The following CEP128 variants were observed in gnomAD, a reference collection of about 807,000 sequenced individuals.
The protein encoded by CEP128 is centrosomal protein 128kDa.
In CEP128, 132 loss-of-function variants were observed where a neutral mutation model predicts 156.7. That is an observed-to-expected ratio of 0.84 (90% CI 0.73 to 0.97). CEP128 has a LOEUF of 0.97. CEP128 is among the 50% of genes least tolerant of loss of function. The pLI, the probability that CEP128 is intolerant of heterozygous loss-of-function variation, is 0.00. For missense variants in CEP128, 1,252 were observed against 1,281.9 expected (o/e 0.98, Z 0.36); for synonymous variants, 469 against 448.9 (o/e 1.04, Z -0.57).
chr14:80,799,770 C>T (rs577966751), intron 13 of CEP128, among the ~76,000 whole-genome samples: 33 of 152,224 alleles, frequency 2.2e-4, no homozygotes, highest in African/African-American at 7.5e-4. Context: ...AAAAACTCTG[C>T]CCCTGGTAAA....
intron 14 of CEP128, among the ~76,000 whole-genome samples, chr14:80,787,795 C>T (rs574543669): frequency 2.6e-5 from 4 of 152,260 alleles, no homozygotes; most frequent in South Asian, 4.1e-4. Context: ...TGAAGTCATA[C>T]CATGTAAAGT....
At chr14:80,801,936 A>AAAAAAAG in intron 13 of CEP128, among the ~76,000 whole-genome samples, 1 of 150,152 alleles carries the variant, frequency 6.7e-6, no homozygotes, top group Admixed American at 6.6e-5. Flanking sequence ...AAAAAAAAAA[A>AAAAAAAG]AGCTCAACAT....
chr14:80,940,571 C>G (rs1284370343), intron 1 of CEP128, among the ~76,000 whole-genome samples: 1 of 151,504 alleles, frequency 6.6e-6, no homozygotes, highest in Non-Finnish European at 1.5e-5. Flanking sequence ...CCCAGCTACT[C>G]CGGAGGCTGA....
chr14:80,910,218 G>A (rs1380656885), intron 4 of CEP128, among the ~76,000 whole-genome samples: 2 of 152,206 alleles, frequency 1.3e-5, no homozygotes, highest in African/African-American at 2.4e-5. Flanking sequence ...ATATTAGACT[G>A]AAACAATGGA....
chr14:80,862,967 C>T lies in CEP128; in HGVS notation c.646-94G>A. The T allele has an allele frequency of 3.9e-6, 3 of 777,114 alleles. No individual in the cohort carries two copies. The South Asian group carries it at 5.6e-5, about 15-fold the overall frequency. The allele number at this position is 777,114 out of a possible 1,614,324, so 48.1% of individuals were successfully genotyped here. The stretch of plus-strand genomic sequence containing the variant: ...TAGTTTTATAGCAGATACACTACTG[C>T]TTAAAGCATTTAAGATTGTTTTGTT... On this transcript the variant is annotated intron_variant, in intron 8 of 24. Transcript: ENST00000555265.
chr14:80,584,207 C>T (rs927381929), intron 19 of CEP128, among the ~76,000 whole-genome samples: 3 of 140,970 alleles, frequency 2.1e-5, no homozygotes, highest in Non-Finnish European at 4.5e-5. Context: ...AGTGCAGTGG[C>T]GCCATCTCGG....
At chr14:80,936,226 T>C (rs1885800723) in intron 2 of CEP128, among the ~76,000 whole-genome samples, 1 of 152,186 alleles carries the variant, frequency 6.6e-6, no homozygotes, top group Admixed American at 6.5e-5. Flanking sequence ...AGATTCTAAA[T>C]GTTTATCAGG....
chr14:80,623,935 C>CA (rs1170872648), intron 19 of CEP128, among the ~76,000 whole-genome samples: 1 of 152,138 alleles, frequency 6.6e-6, no homozygotes, highest in Non-Finnish European at 1.5e-5. Context: ...GGTGAGCATT[C>CA]AAAATCCTCT....
chr14:80,895,256 AAAAC>A (rs1460550751), intron 8 of CEP128, among the ~76,000 whole-genome samples: 1 of 152,148 alleles, frequency 6.6e-6, no homozygotes, highest in Non-Finnish European at 1.5e-5. Flanking sequence ...ATATCAGACA[AAAAC>A]AGACAGCAAA....
intron 21 of CEP128, among the ~76,000 whole-genome samples, chr14:80,554,451 C>T (rs1052600080): frequency 2.6e-5 from 4 of 152,070 alleles, no homozygotes; most frequent in African/African-American, 9.7e-5. Flanking sequence ...TTATCTGCCC[C>T]TAGAACATTC....
intron 19 of CEP128, among the ~76,000 whole-genome samples, chr14:80,627,029 A>C (rs1893759178): frequency 6.6e-6 from 1 of 152,234 alleles, no homozygotes; most frequent in African/African-American, 2.4e-5. Flanking sequence ...TATTCCATAC[A>C]GTCCTGACAA....
chr14:80,747,210 AC>A (rs1463209140), intron 18 of CEP128, among the ~76,000 whole-genome samples: 1 of 152,218 alleles, frequency 6.6e-6, no homozygotes, highest in Non-Finnish European at 1.5e-5. Context: ...GTACCATATA[AC>A]CCAGCAGTTC....
At chr14:80,850,481 A>G (rs35540104) in intron 9 of CEP128, among the ~76,000 whole-genome samples, 49,482 of 152,158 alleles carry the variant, frequency 0.33, 8,907 homozygotes, top group Non-Finnish European at 0.4. Context: ...TATTTAAAAC[A>G]TTTAATGCAA....
intron 2 of CEP128, chr14:80,955,399 G>T: frequency 1.9e-6 from 1 of 532,906 alleles, no homozygotes; most frequent in Non-Finnish European, 3.4e-6. Flanking sequence ...CTGGTGTTGG[G>T]TGTCAGGGAA....
At chr14:80,858,982 A>G (rs1358352575) in intron 9 of CEP128, among the ~76,000 whole-genome samples, 2 of 152,024 alleles carry the variant, frequency 1.3e-5, no homozygotes, top group African/African-American at 4.8e-5. Flanking sequence ...TGTGGAAGTC[A>G]GTGTGGCGAT....
At chr14:80,704,676 ATTTTTTTAT>A (rs3070056) in intron 19 of CEP128, among the ~76,000 whole-genome samples, 41,994 of 151,728 alleles carry the variant, frequency 0.28, 6,026 homozygotes, top group Non-Finnish European at 0.32. Flanking sequence ...GTTGACTATA[ATTTTTTTAT>A]AAAATTAGGA....
At position 80,777,850 on chromosome 14, in the gene CEP128, A is replaced by C. The variant is rs191213172; in HGVS notation, c.2376+32T>G. 48 of 1,429,770 alleles carry C rather than the reference A, an allele frequency of 3.4e-5. No homozygotes were observed. The Admixed American group carries it at 3.5e-4, about 10-fold the overall frequency. 88.6% of individuals were successfully genotyped at this position (1,429,770 alleles called of 1,614,324 possible). A position where few individuals can be genotyped will look rare whatever the true frequency, so the allele number is the denominator to read the frequency against. ...TAGAGGAAATTAAAATTGAAATTAG[A>C]ATTTGAAATTAGAATTCACTCATAT... On this transcript the variant is annotated intron_variant, in intron 16 of 24. Coordinates refer to ENST00000555265, the MANE Select transcript of CEP128 (RefSeq NM_152446.5).
intron 18 of CEP128, among the ~76,000 whole-genome samples, chr14:80,749,057 GC>G (rs1899252336): frequency 6.6e-6 from 1 of 152,118 alleles, no homozygotes; most frequent in African/African-American, 2.4e-5. Flanking sequence ...CTTCAGGTCT[GC>G]CCCACCACAG....
At position 80,563,524 on chromosome 14, in the gene CEP128, C is replaced by CTTTTTTTTTTTTTTT. The variant is rs540593415; in HGVS notation, c.2857-4237_2857-4223dup. ...GAAGCCTACCCATGGGCCTCCAAATCTTTTTTTTTTTTTTTTTTTTTTTTT... is the reference window on the plus strand; with the variant it reads ...GAAGCCTACCCATGGGCCTCCAAATCTTTTTTTTTTTTTTTTTTTTTTTTTTTTTTTTTTTTTTTT... On this transcript the variant is annotated intron_variant, in intron 20 of 24. Transcript: ENST00000555265. Among the ~76,000 whole-genome samples, 119 of 78,876 alleles carry CTTTTTTTTTTTTTTT rather than the reference C, an allele frequency of 1.5e-3. 11 individuals carry two copies. The highest frequency in any genetic ancestry group is 4.4e-3 in the East Asian group (9 of 2,050). The allele number at this position is 78,876 out of a possible 152,430, so 51.7% of individuals were successfully genotyped here.
Sources: allele counts gnomAD v4.1 joint callset (sites outside exome capture counted in the v4.1 genomes callset), GRCh38; gene constraint gnomAD v4.1.1; transcripts MANE v1.5; gene names NCBI Gene and HGNC (gene_info 2026-07-23, HGNC 2026-07-21).